PRR16: variants seen among roughly 807,000 people sequenced by gnomAD.
The protein encoded by PRR16 is proline rich 16, also known as protein Largen.
In PRR16, 6 loss-of-function variants were observed where a neutral mutation model predicts 18.2. The ratio of observed to expected loss-of-function variants is 0.33; its 90% CI spans 0.18 to 0.65. The LOEUF (loss-of-function observed/expected upper bound fraction) is 0.65. Ranked by LOEUF, PRR16 falls within the 30% of genes least tolerant of loss-of-function variation. The pLI, the probability that PRR16 is intolerant of heterozygous loss-of-function variation, is 0.74. For missense variants in PRR16, 412 were observed against 376.6 expected (o/e 1.09, Z -0.78); for synonymous variants, 151 against 147.8 (o/e 1.02, Z -0.16).
intron 1 of PRR16, among the ~76,000 whole-genome samples, chr5:120,534,246 G>C (rs1326776263): frequency 2.0e-5 from 3 of 152,236 alleles, no homozygotes; most frequent in African/African-American, 7.2e-5. Flanking sequence ...AGATAGAGCA[G>C]AGGGTCAAAG....
the PRR16 span, among the ~76,000 whole-genome samples, chr5:120,740,088 A>G: frequency 6.6e-6 from 1 of 152,156 alleles, no homozygotes; most frequent in African/African-American, 2.4e-5. Flanking sequence ...CACTAATGGG[A>G]CAATGATTAT....
chr5:120,779,021 TACTCTCATTCCACCATGAAAA>T, the PRR16 span, among the ~76,000 whole-genome samples: 1 of 152,212 alleles, frequency 6.6e-6, no homozygotes, highest in Non-Finnish European at 1.5e-5. Context: ...TGATTGAAGG[TACTCTCATTCCACCATGAAAA>T]AATGATGTCA....
At chr5:120,587,853 A>G (rs1357063353) in intron 1 of PRR16, among the ~76,000 whole-genome samples, 2 of 152,228 alleles carry the variant, frequency 1.3e-5, no homozygotes, top group Non-Finnish European at 2.9e-5. Context: ...TTGCTGCCAT[A>G]CATAGTAATT....
At chr5:120,564,394 T>C (rs948420947) in intron 1 of PRR16, among the ~76,000 whole-genome samples, 1 of 152,072 alleles carries the variant, frequency 6.6e-6, no homozygotes, top group Non-Finnish European at 1.5e-5. Context: ...CACTCTGGCC[T>C]GTAGTGGCGA....
At chr5:120,728,325 CT>C in the PRR16 span, among the ~76,000 whole-genome samples, 139 of 146,428 alleles carry the variant, frequency 9.5e-4, no homozygotes, top group Admixed American at 2.7e-4. Flanking sequence ...CAAAAATAAC[CT>C]TTTTTTTTTT....
At chr5:120,780,982 G>A in the PRR16 span, among the ~76,000 whole-genome samples, 5 of 152,232 alleles carry the variant, frequency 3.3e-5, no homozygotes, top group South Asian at 2.1e-4. Context: ...CTTGGGAGGC[G>A]GAAGTTGCAG....
intron 1 of PRR16, among the ~76,000 whole-genome samples, chr5:120,635,510 A>C (rs1015327061): frequency 2.0e-5 from 3 of 152,172 alleles, no homozygotes; most frequent in East Asian, 1.9e-4. Context: ...AGAATTAAAA[A>C]CAAGAATCAC....
chr5:120,766,479 C>A, the PRR16 span, among the ~76,000 whole-genome samples: 2 of 151,652 alleles, frequency 1.3e-5, no homozygotes, highest in Non-Finnish European at 2.9e-5. Context: ...TTGACACACT[C>A]AGTACTAGTC....
intron 1 of PRR16, among the ~76,000 whole-genome samples, chr5:120,608,032 C>T (rs1188943143): frequency 6.6e-6 from 1 of 152,142 alleles, no homozygotes; most frequent in Non-Finnish European, 1.5e-5. Context: ...CACAGGCATG[C>T]AGGCAATGGA....
chr5:120,504,554 A>G (rs1750577651), intron 1 of PRR16, among the ~76,000 whole-genome samples: 1 of 152,186 alleles, frequency 6.6e-6, no homozygotes. Flanking sequence ...GTTCCAATTT[A>G]AAAAGAGCAG....
chr5:120,762,635 G>A, the PRR16 span, among the ~76,000 whole-genome samples: 1 of 152,064 alleles, frequency 6.6e-6, no homozygotes, highest in South Asian at 2.1e-4. Context: ...TAAGGGCATT[G>A]TTTTCTCCTG....
At chr5:120,706,000 T>G in the PRR16 span, among the ~76,000 whole-genome samples, 1 of 152,220 alleles carries the variant, frequency 6.6e-6, no homozygotes, top group Non-Finnish European at 1.5e-5. Context: ...CTTTCATCAT[T>G]GTGCTTTAAC....
chr5:120,689,123 T>A (rs1757180513), downstream of PRR16, among the ~76,000 whole-genome samples: 1 of 152,192 alleles, frequency 6.6e-6, no homozygotes, highest in African/African-American at 2.4e-5. Context: ...TGACAGTTTA[T>A]TTATAATCAA....
chr5:120,728,286 A>G, the PRR16 span, among the ~76,000 whole-genome samples: 22 of 151,406 alleles, frequency 1.5e-4, no homozygotes, highest in African/African-American at 5.1e-4. Flanking sequence ...CAATAGTTTG[A>G]TATAGTAACA....
At chr5:120,496,238 T>G (rs1750240973) in intron 1 of PRR16, among the ~76,000 whole-genome samples, 1 of 152,040 alleles carries the variant, frequency 6.6e-6, no homozygotes, top group African/African-American at 2.4e-5. Context: ...GTGTGGACAT[T>G]CCCACGTCTT....
the PRR16 span, among the ~76,000 whole-genome samples, chr5:120,753,885 TTA>T: frequency 2.3e-5 from 3 of 129,470 alleles, no homozygotes; most frequent in Non-Finnish European, 4.8e-5. Flanking sequence ...TATTTATATA[TTA>T]TATATAATAT....
intron 1 of PRR16, among the ~76,000 whole-genome samples, chr5:120,667,793 A>T (rs1053942196): frequency 5.3e-5 from 8 of 152,006 alleles, no homozygotes; most frequent in African/African-American, 1.7e-4. Context: ...CCTGAGTTCT[A>T]GTTTGATTGC....
chr5:120,657,893 G>T (rs550116810), intron 1 of PRR16, among the ~76,000 whole-genome samples: 2 of 151,778 alleles, frequency 1.3e-5, no homozygotes, highest in South Asian at 2.1e-4. Flanking sequence ...TGTGATTGTC[G>T]CCATATGGGA....
At chr5:120,723,861 A>T in the PRR16 span, among the ~76,000 whole-genome samples, 1 of 151,878 alleles carries the variant, frequency 6.6e-6, no homozygotes, top group African/African-American at 2.4e-5. Context: ...AAGTGGAATT[A>T]TTTGAGGCTA....
Sources: allele counts gnomAD v4.1 joint callset (sites outside exome capture counted in the v4.1 genomes callset), GRCh38; gene constraint gnomAD v4.1.1; transcripts MANE v1.5; gene names NCBI Gene and HGNC (gene_info 2026-07-23, HGNC 2026-07-21).